HLTF: variants seen among roughly 807,000 people sequenced by gnomAD.
HLTF encodes the protein DNA-dependent ATPase/E3 ubiquitin-protein ligase HLTF.
A neutral mutation model predicts 129.4 loss-of-function variants in HLTF; 127 were observed. The ratio of observed to expected loss-of-function variants is 0.98; its 90% confidence interval spans 0.85 to 1.14. HLTF has a LOEUF of 1.14. Ranked by LOEUF, HLTF falls within the 50% of genes most tolerant of loss-of-function variation. The pLI is 0.00. For synonymous variants in HLTF, 332 were observed against 388.8 expected, an observed-to-expected ratio of 0.85 and a Z score of 1.72; for missense variants, 1,139 against 1,187.1, an observed-to-expected ratio of 0.96 and a Z score of 0.60.
At chr3:149,068,962 G>A (rs1033595310) in intron 7 of HLTF, among the ~76,000 whole-genome samples, 2 of 152,044 alleles carry the variant, frequency 1.3e-5, no homozygotes, top group African/African-American at 2.4e-5. Flanking sequence ...GGTTTCCCAG[G>A]AGCCCTTCAC....
At chr3:149,046,778 A>G (rs1716579883) in intron 17 of HLTF, among the ~76,000 whole-genome samples, 1 of 152,212 alleles carries the variant, frequency 6.6e-6, no homozygotes, top group African/African-American at 2.4e-5. Context: ...TTCAGAACAC[A>G]GAAAAATGCT....
At chr3:149,059,371 A>C (rs1022746513) in intron 13 of HLTF, 3 of 413,754 alleles carry the variant, frequency 7.3e-6, no homozygotes, top group Non-Finnish European at 1.4e-5. Context: ...AGCAAATTCT[A>C]ATACCAAAAA....
In HLTF at chr3:149,034,991, T is replaced by C. The variant is rs1715448314; in HGVS notation, c.2804A>G (p.Asn935Ser). The C allele has an allele frequency of 6.2e-7, 1 of 1,612,864 alleles. No homozygotes were observed. Among genetic ancestry groups the C allele is most frequent in the Admixed American group, 1.7e-5 (1 of 60,004 alleles). The change falls in exon 24 of 25, where the codon AAT (asparagine) becomes AGT (serine). Residue 935 changes from asparagine (N) to serine (S), a missense_variant. Asn to Ser is a conservative substitution (Grantham distance 46). Coordinates refer to ENST00000310053, the MANE Select transcript of HLTF (RefSeq NM_003071.4). ...AAAGCACTGATCTTCAGCAGCAGGA[T>C]TCCAGGCCTAACAAGAACATGGATG... is the stretch of plus-strand genomic sequence containing the variant. Reference protein sequence around the residue: ...SRVFLMDPAWNPAAEDQCFDR... With the variant: ...SRVFLMDPAWSPAAEDQCFDR...
At chr3:149,051,164 A>C (rs935656714) in intron 14 of HLTF, among the ~76,000 whole-genome samples, 1 of 151,858 alleles carries the variant, frequency 6.6e-6, no homozygotes, top group Non-Finnish European at 1.5e-5. Context: ...TATGAATAAT[A>C]ATAATAAGAC....
intron 2 of HLTF, among the ~76,000 whole-genome samples, chr3:149,082,132 T>C (rs1440529144): frequency 1.3e-5 from 2 of 152,154 alleles, no homozygotes; most frequent in Non-Finnish European, 2.9e-5. Flanking sequence ...GTATATGAAG[T>C]TCTAGAATAG....
At position 149,068,285 on chromosome 3, in the gene HLTF, G is replaced by A. The variant is rs371927446; in HGVS notation, c.945C>T (p.Gly315=). Residue 315 remains glycine (G), a synonymous_variant, in exon 8 of 25, where the codon GGC becomes GGT. Transcript: ENST00000310053. ...IAVILTNFHD[G]RPLPIERVKK... ...TAACTCTTTCAATAGGAAGAGGTCT[G>A]CCATCATGGAAGTTGGTAAGGATTA... 1.3e-6 allele frequency: 2 copies of A among 1,575,552 alleles called. No individual in the cohort carries two copies. The highest frequency in any genetic ancestry group is 1.7e-6 in the Non-Finnish European group (2 of 1,149,276).
chr3:149,055,470 C>A, intron 13 of HLTF, 70 bp from the exon 14 acceptor site: 1 of 931,176 alleles, frequency 1.1e-6, no homozygotes, highest in Non-Finnish European at 1.7e-6. Context: ...AAGGAGATGG[C>A]AATAATGTGC....
At chr3:149,054,034 AAAAT>A (rs774368030) in intron 14 of HLTF, among the ~76,000 whole-genome samples, 55 of 152,292 alleles carry the variant, frequency 3.6e-4, no homozygotes, top group Non-Finnish European at 6.3e-4. Context: ...TGTAATTTAA[AAAAT>A]AAATAAATAA....
intron 2 of HLTF, 30 bp downstream of exon 2, chr3:149,084,652 C>A: frequency 1.4e-6 from 2 of 1,460,628 alleles, no homozygotes; most frequent in South Asian, 2.4e-5. Context: ...GAAATATAAT[C>A]AAAATTTAAT....
At chr3:149,038,370 G>A (rs761373385) in intron 23 of HLTF, among the ~76,000 whole-genome samples, 3 of 152,136 alleles carry the variant, frequency 2.0e-5, no homozygotes, top group Non-Finnish European at 4.4e-5. Flanking sequence ...AAGTAGAATA[G>A]CATAGCATAA....
chr3:149,045,476 T>C (rs1405470434), intron 18 of HLTF, among the ~76,000 whole-genome samples: 1 of 152,208 alleles, frequency 6.6e-6, no homozygotes, highest in African/African-American at 2.4e-5. Context: ...TGGCACACAG[T>C]GGGCACTTAA....
chr3:149,061,115 G>C (rs930956108), intron 10 of HLTF, among the ~76,000 whole-genome samples: 10 of 152,214 alleles, frequency 6.6e-5, no homozygotes, highest in Admixed American at 5.9e-4. Context: ...TTTTGCCCAG[G>C]ATGGAGTACA....
chr3:149,041,389 A>T, intron 20 of HLTF, 101 bp downstream of exon 20: 1 of 623,128 alleles, frequency 1.6e-6, no homozygotes, highest in Non-Finnish European at 2.5e-6. Flanking sequence ...AAGGTATATT[A>T]TTAAATCCAA....
At chr3:149,062,884 T>C (rs1718064425) in intron 10 of HLTF, among the ~76,000 whole-genome samples, 1 of 152,088 alleles carries the variant, frequency 6.6e-6, no homozygotes. Context: ...GAAAGATGAG[T>C]GATTATTAAA....
chr3:149,080,412 T>TCG (rs36031760), intron 2 of HLTF, among the ~76,000 whole-genome samples: 1 of 49,910 alleles, frequency 2.0e-5, no homozygotes, highest in Admixed American at 1.8e-4. Context: ...TCTCCCAGCA[T>TCG]GTCTACTGAC....
At position 149,030,371 on chromosome 3, in the gene HLTF, CAG is replaced by C. The variant is rs1714898517; in HGVS notation, c.*1847_*1848del. 1 of 151,974 alleles carries C rather than the reference CAG, an allele frequency of 6.6e-6. No individual in the cohort carries two copies. The highest frequency in any genetic ancestry group is 1.5e-5 in the Non-Finnish European group (1 of 67,988). The allele number at this position is 151,974 out of a possible 1,614,324, so 9.4% of individuals were successfully genotyped here. A position where few individuals can be genotyped will look rare whatever the true frequency, so the allele number is the denominator to read the frequency against. On this transcript the variant is annotated 3_prime_UTR_variant, in exon 25 of 25. Coordinates refer to ENST00000310053, the MANE Select transcript of HLTF (RefSeq NM_003071.4). ...ACTTTTAAAATATAACAACATCTAA[CAG>C]AACTGTACAAAACAAAGAGACATTT...
chr3:149,034,159 A>C (rs1715371111), intron 24 of HLTF, among the ~76,000 whole-genome samples: 1 of 152,162 alleles, frequency 6.6e-6, no homozygotes, highest in African/African-American at 2.4e-5. Context: ...CAGAAGCATA[A>C]ATTAACAATT....
chr3:149,084,653 A>G lies in HLTF; in HGVS notation c.228+29T>C, dbSNP rs368389009. ...CTAGGTTAACGCCAGAAATATAATCAAAATTTAATTATCTACTATTATACT... is the reference window on the plus strand; with the variant it reads ...CTAGGTTAACGCCAGAAATATAATCGAAATTTAATTATCTACTATTATACT... On this transcript the variant is annotated intron_variant, in intron 2 of 24. Coordinates refer to ENST00000310053, the MANE Select transcript of HLTF (RefSeq NM_003071.4). 6 of 1,482,744 alleles carry G rather than the reference A, an allele frequency of 4.0e-6. No homozygotes were observed. In the African/African-American group the frequency reaches 7.5e-5, roughly 19 times the overall value. 91.8% of individuals were successfully genotyped at this position (1,482,744 alleles called of 1,614,324 possible).
At position 149,086,485 on chromosome 3, in the gene HLTF, C is replaced by A; in HGVS notation, c.-149G>T. ...AGGAGCGCACGACTGAAAGGTAAGT[C>A]GCCGCGAGTCCAGTCAGACGTCGAC... On this transcript the variant is annotated 5_prime_UTR_variant, in exon 1 of 25. Coordinates refer to ENST00000310053, the MANE Select transcript of HLTF (RefSeq NM_003071.4). 4 of 806,442 alleles carry A rather than the reference C, an allele frequency of 5.0e-6. No homozygotes were observed. In the South Asian group the frequency reaches 5.1e-5, roughly 10 times the overall value. The allele number at this position is 806,442 out of a possible 1,614,324, so 50.0% of individuals were successfully genotyped here.
Sources: allele counts gnomAD v4.1 joint callset (sites outside exome capture counted in the v4.1 genomes callset), GRCh38; gene constraint gnomAD v4.1.1; transcripts MANE v1.5; gene names NCBI Gene and HGNC (gene_info 2026-07-23, HGNC 2026-07-21).